Variants in SPAG16 observed in about 807,000 individuals in gnomAD.
SPAG16 encodes sperm associated antigen 16, also known as sperm-associated antigen 16 protein.
SPAG16 carries 86 observed loss-of-function variants against 80.4 expected under a neutral mutation model. The ratio of observed to expected loss-of-function variants is 1.07; its 90% CI spans 0.90 to 1.28. The LOEUF (loss-of-function observed/expected upper bound fraction) is 1.28, where lower values mean the gene tolerates loss of function less well. Ranked by LOEUF, SPAG16 falls within the 50% of genes most tolerant of loss-of-function variation. SPAG16 has a pLI of 0.00. For synonymous variants in SPAG16, 294 were observed against 265.9 expected (o/e 1.11, Z -1.03); for missense variants, 870 against 765.3 (o/e 1.14, Z -1.61).
At chr2:214,138,197 C>CA (rs1364422223) in intron 14 of SPAG16, among the ~76,000 whole-genome samples, 1 of 151,890 alleles carries the variant, frequency 6.6e-6, no homozygotes, top group East Asian at 1.9e-4. Context: ...ATTTTTTAGA[C>CA]AAAAAATATA....
intron 9 of SPAG16, among the ~76,000 whole-genome samples, chr2:213,377,054 G>A (rs996561779): frequency 2.0e-5 from 3 of 151,990 alleles, no homozygotes; most frequent in South Asian, 2.1e-4. Flanking sequence ...TTTCAAAAAG[G>A]GCCAATGGAG....
chr2:214,178,918 A>C (rs1278007520), intron 15 of SPAG16, among the ~76,000 whole-genome samples: 1 of 151,286 alleles, frequency 6.6e-6, no homozygotes, highest in African/African-American at 2.4e-5. Context: ...ATAAAAGCCC[A>C]GTTGTTACCG....
chr2:213,468,930 C>T (rs1422051756), intron 9 of SPAG16, among the ~76,000 whole-genome samples: 1 of 151,988 alleles, frequency 6.6e-6, no homozygotes, highest in African/African-American at 2.4e-5. Context: ...GGCTGGGAGG[C>T]TAGGCCATCT....
intron 15 of SPAG16, among the ~76,000 whole-genome samples, chr2:214,340,542 C>A (rs942220048): frequency 6.6e-6 from 1 of 152,148 alleles, no homozygotes; most frequent in East Asian, 1.9e-4. Context: ...GATTCCAGTG[C>A]CCTGCCCCAG....
chr2:214,175,000 CAGTCTGAATCTTCAGTGGAG>C (rs2057020761), intron 15 of SPAG16, among the ~76,000 whole-genome samples: 1 of 151,476 alleles, frequency 6.6e-6, no homozygotes, highest in Admixed American at 6.6e-5. Context: ...CTGCAGAAGC[CAGTCTGAATCTTCAGTGGAG>C]AGTCAACCTG....
chr2:213,790,703 G>T (rs2070643319), intron 10 of SPAG16, among the ~76,000 whole-genome samples: 1 of 151,950 alleles, frequency 6.6e-6, no homozygotes, highest in Admixed American at 6.6e-5. Context: ...TATGTGTATG[G>T]TCTAAGTGTG....
chr2:214,105,057 C>A (rs2053309858), intron 13 of SPAG16, among the ~76,000 whole-genome samples: 1 of 152,108 alleles, frequency 6.6e-6, no homozygotes, highest in African/African-American at 2.4e-5. Context: ...TCTCTTTGTG[C>A]TTATCCATAT....
intron 15 of SPAG16, among the ~76,000 whole-genome samples, chr2:214,270,512 C>T (rs1469303138): frequency 6.6e-6 from 1 of 152,114 alleles, no homozygotes; most frequent in Admixed American, 6.6e-5. Context: ...TCAAACTAAA[C>T]TCCCCAAAAT....
intron 10 of SPAG16, among the ~76,000 whole-genome samples, chr2:213,711,165 A>G (rs10176906): frequency 0.42 from 63,083 of 151,898 alleles, 13,887 homozygotes; most frequent in African/African-American, 0.55. Flanking sequence ...TGGTCCAGTC[A>G]TCCAACTTAT....
At chr2:213,436,614 A>G (rs1575586653) in intron 9 of SPAG16, among the ~76,000 whole-genome samples, 1 of 152,170 alleles carries the variant, frequency 6.6e-6, no homozygotes, top group East Asian at 1.9e-4. Flanking sequence ...TTTATACTTC[A>G]TATTACCCAC....
chr2:214,374,825 A>T (rs1208245166), intron 15 of SPAG16, among the ~76,000 whole-genome samples: 3 of 152,142 alleles, frequency 2.0e-5, no homozygotes, highest in African/African-American at 7.2e-5. Flanking sequence ...AGCTCATTAG[A>T]TGGTTTTTAA....
intron 10 of SPAG16, among the ~76,000 whole-genome samples, chr2:213,596,030 C>A (rs1191387599): frequency 6.6e-6 from 1 of 152,012 alleles, no homozygotes; most frequent in East Asian, 1.9e-4. Context: ...CTATTCAAGG[C>A]CAAATCACAA....
intron 10 of SPAG16, among the ~76,000 whole-genome samples, chr2:213,583,961 A>G (rs2124873665): frequency 6.6e-6 from 1 of 152,332 alleles, no homozygotes; most frequent in Admixed American, 6.5e-5. Flanking sequence ...CATTTGGCTC[A>G]TTAAAGAAAA....
At chr2:213,704,929 C>T (rs1226441701) in intron 10 of SPAG16, among the ~76,000 whole-genome samples, 1 of 151,996 alleles carries the variant, frequency 6.6e-6, no homozygotes, top group Admixed American at 6.6e-5. Context: ...TCTGCCTGAA[C>T]TACGGTAGTG....
At chr2:213,739,305 C>T (rs964809343) in intron 10 of SPAG16, among the ~76,000 whole-genome samples, 1 of 152,120 alleles carries the variant, frequency 6.6e-6, no homozygotes, top group Non-Finnish European at 1.5e-5. Context: ...GGTTTCATTG[C>T]TTTTATTCAG....
intron 10 of SPAG16, among the ~76,000 whole-genome samples, chr2:213,680,434 T>TAA (rs35027044): frequency 0.29 from 41,418 of 144,556 alleles, 6,397 homozygotes; most frequent in Middle Eastern, 0.42. Flanking sequence ...CTCTAGTAGT[T>TAA]AAAAAAAAAA....
chr2:213,771,328 G>A lies in SPAG16; in HGVS notation c.1071-91157G>A, dbSNP rs1575092286. 2.0e-5 allele frequency among the ~76,000 whole-genome samples: 3 copies of A among 152,080 alleles called. No homozygotes were observed. The South Asian group carries it at 6.2e-4, about 32-fold the overall frequency. On this transcript the variant is annotated intron_variant, in intron 10 of 15. Transcript: ENST00000331683. The stretch of plus-strand genomic sequence containing the variant: ...TTTTTTTCCTTGTAAATTTGTTTAA[G>A]TTCCTTGTAGATTCTGGATATTAGA...
At chr2:214,233,723 C>T (rs1214721747) in intron 15 of SPAG16, among the ~76,000 whole-genome samples, 1 of 152,026 alleles carries the variant, frequency 6.6e-6, no homozygotes, top group African/African-American at 2.4e-5. Flanking sequence ...TGAGATTATA[C>T]AAATTATTTG....
At chr2:213,704,520 C>G (rs76953016) in intron 10 of SPAG16, among the ~76,000 whole-genome samples, 2 of 152,054 alleles carry the variant, frequency 1.3e-5, no homozygotes, top group South Asian at 2.1e-4. Context: ...ACCTTAGCAA[C>G]GTGCCTGCAT....
Sources: allele counts gnomAD v4.1 joint callset (sites outside exome capture counted in the v4.1 genomes callset), GRCh38; gene constraint gnomAD v4.1.1; transcripts MANE v1.5; gene names NCBI Gene and HGNC (gene_info 2026-07-23, HGNC 2026-07-21).